Variants in DACH2 observed in about 807,000 individuals in gnomAD.
DACH2 encodes dachshund homolog 2.
A neutral mutation model predicts 35.8 loss-of-function variants in DACH2; 17 were observed. The ratio of observed to expected loss-of-function variants is 0.48; its 90% CI spans 0.33 to 0.71. The LOEUF is 0.71. DACH2 is among the 30% of genes least tolerant of loss of function. DACH2 has a pLI of 0.02. For missense variants in DACH2, 469 were observed against 472.7 expected, an observed-to-expected ratio of 0.99 and a Z score of 0.07; for synonymous variants, 195 against 177.3, an observed-to-expected ratio of 1.10 and a Z score of -0.79.
chrX:86,295,415 G>C (rs761471541), intron 1 of DACH2, among the ~76,000 whole-genome samples: 26 of 112,004 alleles, frequency 2.3e-4, no homozygotes, highest in African/African-American at 7.8e-4. Context: ...GACCGCAGCT[G>C]TTCCTATTCG....
At chrX:86,286,620 C>T (rs993045445) in intron 1 of DACH2, among the ~76,000 whole-genome samples, 1 of 110,277 alleles carries the variant, frequency 9.1e-6, no homozygotes, top group African/African-American at 3.3e-5. Context: ...TATTTTGGAC[C>T]CCTTGTATTT....
chrX:86,629,989 A>T (rs2040182150), intron 3 of DACH2, among the ~76,000 whole-genome samples: 1 of 112,119 alleles, frequency 8.9e-6, no homozygotes, highest in African/African-American at 3.2e-5. Context: ...AGAAATCCTG[A>T]TATCAATATA....
chrX:86,726,101 T>C (rs1217256485), intron 6 of DACH2, among the ~76,000 whole-genome samples: 1 of 111,711 alleles, frequency 9.0e-6, no homozygotes, highest in Non-Finnish European at 1.9e-5. Flanking sequence ...TGGACTGTCA[T>C]GGCTATGCTG....
At chrX:86,693,454 G>A (rs750753399) in intron 4 of DACH2, among the ~76,000 whole-genome samples, 29 of 111,760 alleles carry the variant, frequency 2.6e-4, no homozygotes, top group Non-Finnish European at 4.7e-4. Flanking sequence ...GATTGACTTT[G>A]GCCACAAAAG....
At chrX:86,663,746 A>G (rs1022552424) in intron 4 of DACH2, among the ~76,000 whole-genome samples, 3 of 111,801 alleles carry the variant, frequency 2.7e-5, no homozygotes, top group Non-Finnish European at 5.7e-5. Flanking sequence ...ATCATTCTCC[A>G]TGTGGAATTT....
chrX:86,323,512 G>A (rs768001254), intron 1 of DACH2, among the ~76,000 whole-genome samples: 14 of 111,995 alleles, frequency 1.3e-4, no homozygotes, highest in African/African-American at 4.2e-4. Flanking sequence ...AAAAACTCTT[G>A]TAGCATTGCA....
intron 1 of DACH2, among the ~76,000 whole-genome samples, chrX:86,311,737 T>C (rs1235427285): frequency 2.7e-5 from 3 of 111,491 alleles, no homozygotes; most frequent in Admixed American, 1.9e-4. Flanking sequence ...GAAAGTTAAG[T>C]TCGGCACCTG....
At chrX:86,261,187 C>T (rs2033618344) in intron 1 of DACH2, among the ~76,000 whole-genome samples, 1 of 112,060 alleles carries the variant, frequency 8.9e-6, no homozygotes, top group African/African-American at 3.2e-5. Flanking sequence ...ACAATTTTCA[C>T]ACTTCTTTAC....
At chrX:86,394,012 T>C (rs919589867) in intron 2 of DACH2, among the ~76,000 whole-genome samples, 17 of 109,084 alleles carry the variant, frequency 1.6e-4, no homozygotes, top group Non-Finnish European at 3.8e-5. Context: ...CTCTGCATTT[T>C]GAAATTATAC....
chrX:86,681,038 A>G (rs1225760727), intron 4 of DACH2, among the ~76,000 whole-genome samples: 1 of 110,636 alleles, frequency 9.0e-6, no homozygotes, highest in African/African-American at 3.3e-5. Context: ...CTATGTATCT[A>G]TCTATCTGTG....
chrX:86,621,960 G>A (rs918283976), intron 3 of DACH2, among the ~76,000 whole-genome samples: 1 of 111,448 alleles, frequency 9.0e-6, no homozygotes, highest in African/African-American at 3.3e-5. Flanking sequence ...TTTCTTTCAA[G>A]AACGTTTCAT....
chrX:86,396,432 C>T (rs1569377028), intron 2 of DACH2, among the ~76,000 whole-genome samples: 3 of 96,427 alleles, frequency 3.1e-5, no homozygotes, highest in Non-Finnish European at 6.2e-5. Context: ...GTTGCCATTG[C>T]TTTTGGTGTT....
At chrX:86,216,023 A>G (rs1216148297) in intron 1 of DACH2, among the ~76,000 whole-genome samples, 1 of 111,727 alleles carries the variant, frequency 9.0e-6, no homozygotes, top group Non-Finnish European at 1.9e-5. Context: ...TATACCTATC[A>G]AATTCTAAAT....
intron 1 of DACH2, among the ~76,000 whole-genome samples, chrX:86,322,643 G>C (rs1412612485): frequency 8.9e-6 from 1 of 112,066 alleles, no homozygotes; most frequent in African/African-American, 3.2e-5. Flanking sequence ...GAACTGCATG[G>C]CTCCTTGATG....
At chrX:86,703,738 G>T (rs1266871190) in intron 5 of DACH2, among the ~76,000 whole-genome samples, 1 of 111,152 alleles carries the variant, frequency 9.0e-6, no homozygotes, top group Non-Finnish European at 1.9e-5. Flanking sequence ...CTCTACCTAG[G>T]AATACATCTA....
intron 2 of DACH2, among the ~76,000 whole-genome samples, chrX:86,384,515 G>A (rs1401989861): frequency 1.8e-5 from 2 of 112,003 alleles, no homozygotes; most frequent in Non-Finnish European, 3.8e-5. Flanking sequence ...CTAAAGACAT[G>A]TCCTGCTTTC....
At chrX:86,512,985 C>T (rs1050783783) in intron 2 of DACH2, 13 of 318,128 alleles carry the variant, frequency 4.1e-5, no homozygotes, top group Middle Eastern at 6.4e-4. Flanking sequence ...GAATCTTTTG[C>T]GCTAGATTGA....
chrX:86,417,698 A>G (rs1211740611), intron 2 of DACH2, among the ~76,000 whole-genome samples: 1 of 111,360 alleles, frequency 9.0e-6, no homozygotes, highest in Non-Finnish European at 1.9e-5. Flanking sequence ...GTGGGGACAC[A>G]TCCAAACCAT....
At chrX:86,488,673 T>A (rs2038051506) in intron 2 of DACH2, among the ~76,000 whole-genome samples, 1 of 111,578 alleles carries the variant, frequency 9.0e-6, no homozygotes, top group African/African-American at 3.2e-5. Flanking sequence ...CCTGATTTGA[T>A]CATTCCACAA....
Sources: gnomAD v4.1 joint callset for allele counts (sites outside exome capture counted in the v4.1 genomes callset) on GRCh38, gnomAD v4.1.1 for gene constraint, MANE v1.5 for transcripts, NCBI Gene and HGNC (gene_info 2026-07-23, HGNC 2026-07-21) for gene names.